The following ADAM32 variants were observed in gnomAD, a reference collection of about 807,000 sequenced individuals.
The protein encoded by ADAM32 is ADAM metallopeptidase domain 32, also known as disintegrin and metalloproteinase domain-containing protein 32.
In ADAM32, 89 loss-of-function variants were observed where a neutral mutation model predicts 114.9. That is an observed-to-expected ratio of 0.77 (90% CI 0.65 to 0.92). ADAM32 has a LOEUF of 0.92. ADAM32 is among the 40% of genes least tolerant of loss of function. The pLI is 0.00. For missense variants in ADAM32, 870 were observed against 932.8 expected (o/e 0.93, Z 0.88); for synonymous variants, 285 against 307.5 (o/e 0.93, Z 0.77).
At chr8:39,180,499 G>A (rs1402249890) in intron 10 of ADAM32, among the ~76,000 whole-genome samples, 3 of 152,242 alleles carry the variant, frequency 2.0e-5, no homozygotes, top group African/African-American at 7.2e-5. Flanking sequence ...ACCACCCGAG[G>A]GCTGAGGAGT....
At chr8:39,207,177 T>C (rs1268394854) in intron 11 of ADAM32, among the ~76,000 whole-genome samples, 3 of 152,172 alleles carry the variant, frequency 2.0e-5, no homozygotes, top group African/African-American at 7.2e-5. Flanking sequence ...TCTTTCTACA[T>C]CTCAGAAGTT....
At position 39,246,654 on chromosome 8, in the gene ADAM32, A is replaced by G. The variant is rs562039996; in HGVS notation, c.1902+488A>G. Among the ~76,000 whole-genome samples, 86 of 152,352 alleles carry G rather than the reference A, an allele frequency of 5.6e-4. 1 individual carries two copies. The highest frequency in any genetic ancestry group is 2.0e-3 in the African/African-American group (84 of 41,588). On this transcript the variant is annotated intron_variant, in intron 17 of 24. Coordinates refer to ENST00000379907, the MANE Select transcript of ADAM32 (RefSeq NM_145004.7). ...CACAATCTTTCCCAATTTTAACATC[A>G]CACACCAGAGTGGTCTGTTTGTTAT...
chr8:39,277,191 C>A (rs757523057), intron 22 of ADAM32, among the ~76,000 whole-genome samples: 7 of 152,184 alleles, frequency 4.6e-5, no homozygotes, highest in Non-Finnish European at 8.8e-5. Context: ...TCATCTCTCC[C>A]AGGGTTATTT....
At chr8:39,247,099 T>A (rs569223906) in intron 17 of ADAM32, among the ~76,000 whole-genome samples, 6 of 152,230 alleles carry the variant, frequency 3.9e-5, no homozygotes, top group Admixed American at 6.5e-5. Context: ...TATCCACTCA[T>A]CTACTGAAGA....
intron 11 of ADAM32, among the ~76,000 whole-genome samples, chr8:39,206,616 G>A (rs968232734): frequency 6.6e-6 from 1 of 152,208 alleles, no homozygotes; most frequent in African/African-American, 2.4e-5. Context: ...GCTCTGGGGA[G>A]CATTTGTTTG....
At position 39,151,415 on chromosome 8, in the gene ADAM32, A is replaced by G; in HGVS notation, c.392A>G (p.Glu131Gly). 1 of 1,599,386 alleles carries G rather than the reference A, an allele frequency of 6.3e-7. No homozygotes were observed. Among genetic ancestry groups the G allele is most frequent in the Non-Finnish European group, 8.5e-7 (1 of 1,175,424 alleles). Reference sequence around the variant, plus strand: ...TTTGAAAATGTTTCTTATGGAATTGAGCCTCTGGAATCTGCAGTTGAATTT... The same window carrying G: ...TTTGAAAATGTTTCTTATGGAATTGGGCCTCTGGAATCTGCAGTTGAATTT... ...LQFENVSYGIEPLESAVEFQH... is the reference protein window; with the variant it reads ...LQFENVSYGIGPLESAVEFQH... Residue 131 changes from glutamate to glycine, a missense_variant, in exon 6 of 25, where the codon GAG becomes GGG. By Grantham distance (98) the Glu-to-Gly change is moderately conservative. Transcript: ENST00000379907.
intron 2 of ADAM32, chr8:39,130,069 C>T (rs1444708263): frequency 4.8e-6 from 1 of 206,590 alleles, no homozygotes; most frequent in African/African-American, 2.3e-5. Context: ...ATTCTCCTGC[C>T]TCATCCTCCC....
chr8:39,167,200 C>A (rs763258024), intron 9 of ADAM32: 6 of 152,030 alleles, frequency 3.9e-5, no homozygotes, highest in Non-Finnish European at 7.4e-5. Flanking sequence ...AGGTTAAATC[C>A]ATCTTGAGTT....
intron 11 of ADAM32, among the ~76,000 whole-genome samples, chr8:39,193,745 T>G (rs577453209): frequency 6.6e-6 from 1 of 152,276 alleles, no homozygotes. Flanking sequence ...TGGCTTTGTT[T>G]TGGAAGATTT....
In ADAM32 at chr8:39,115,937, T is replaced by C. The variant is rs80229734; in HGVS notation, c.59-2149T>C. 1.3e-3 allele frequency among the ~76,000 whole-genome samples: 197 copies of C among 152,328 alleles called. 1 individual carries two copies. The East Asian group carries it at 0.035, about 27-fold the overall frequency. On this transcript the variant is annotated intron_variant, in intron 1 of 24. Transcript: ENST00000379907. ...TTATTGAATATGGCAAAAGGTTCAGTTGCAGTCTTCTGCATATGAGTAGCC... is the reference window on the plus strand; with the variant it reads ...TTATTGAATATGGCAAAAGGTTCAGCTGCAGTCTTCTGCATATGAGTAGCC...
Position 39,176,428 on chromosome 8 carries a change from T to C in ADAM32, c.915+6431T>C, listed in dbSNP as rs552158184. 2.0e-4 allele frequency among the ~76,000 whole-genome samples: 30 copies of C among 152,354 alleles called. 1 individual carries two copies. Among genetic ancestry groups the C allele is most frequent in the Admixed American group, 3.3e-4 (5 of 15,302 alleles). On this transcript the variant is annotated intron_variant, in intron 10 of 24. Transcript: ENST00000379907. ...TTCAAAGAACTTCTTGATATCTGGC[T>C]TAATTTCATTATTTACCCAGGAGTC...
At chr8:39,267,133 C>A (rs1455047414) in intron 19 of ADAM32, among the ~76,000 whole-genome samples, 1 of 152,118 alleles carries the variant, frequency 6.6e-6, no homozygotes, top group Non-Finnish European at 1.5e-5. Context: ...TGCGTGCAGG[C>A]AGGGTAGGTG....
At chr8:39,277,601 A>T (rs1402679682) in intron 22 of ADAM32, among the ~76,000 whole-genome samples, 6 of 152,118 alleles carry the variant, frequency 3.9e-5, no homozygotes, top group Non-Finnish European at 7.4e-5. Flanking sequence ...ACGAGGTGGG[A>T]GCTGCTAGAG....
intron 4 of ADAM32, among the ~76,000 whole-genome samples, chr8:39,148,349 G>A (rs1456036383): frequency 6.6e-6 from 1 of 151,910 alleles, no homozygotes. Flanking sequence ...CCAAATGCTT[G>A]TTCTTTCCCA....
chr8:39,221,776 A>T (rs1808981955), intron 13 of ADAM32, 74 bp downstream of exon 13: 1 of 934,078 alleles, frequency 1.1e-6, no homozygotes, highest in Middle Eastern at 2.2e-4. Flanking sequence ...ACACAGACCT[A>T]CAGCTGTAAT....
At chr8:39,242,909 A>T (rs1010057943) in intron 16 of ADAM32, among the ~76,000 whole-genome samples, 1 of 152,230 alleles carries the variant, frequency 6.6e-6, no homozygotes, top group Non-Finnish European at 1.5e-5. Flanking sequence ...AGAAAAGAAG[A>T]GAAAGTTCTA....
At position 39,160,947 on chromosome 8, in the gene ADAM32, T is replaced by A; in HGVS notation, c.576T>A (p.Ile192=). 6.3e-7 allele frequency: 1 copy of A among 1,596,878 alleles called. No homozygotes were observed. The change falls in exon 7 of 25, where the codon ATT becomes ATA. Residue 192 remains isoleucine, a synonymous_variant. Transcript: ENST00000379907. ...DLFPLYLEMH[I]VVDKTLYDYW... Reference sequence around the variant, plus strand: ...TTCCTCTTTATCTAGAAATGCATATTGTGGTGGACAAAACTTTGGTATGTG... The same window carrying A: ...TTCCTCTTTATCTAGAAATGCATATAGTGGTGGACAAAACTTTGGTATGTG...
chr8:39,145,433 T>C (rs1400169405), intron 3 of ADAM32, among the ~76,000 whole-genome samples: 3 of 152,126 alleles, frequency 2.0e-5, no homozygotes, highest in Non-Finnish European at 1.5e-5. Flanking sequence ...TTTATATAAG[T>C]AGTAAATTAA....
intron 6 of ADAM32, chr8:39,158,459 A>T: frequency 4.4e-6 from 1 of 227,968 alleles, no homozygotes. Flanking sequence ...CACCATGGGC[A>T]GTGTCTCCAC....
Sources: allele counts gnomAD v4.1 joint callset (sites outside exome capture counted in the v4.1 genomes callset), GRCh38; gene constraint gnomAD v4.1.1; transcripts MANE v1.5; gene names NCBI Gene and HGNC (gene_info 2026-07-23, HGNC 2026-07-21).